CNBD1: variants seen among roughly 807,000 people sequenced by gnomAD.
The protein encoded by CNBD1 is cyclic nucleotide binding domain containing 1.
A neutral mutation model predicts 54.4 loss-of-function variants in CNBD1; 71 were observed. That is an observed-to-expected ratio of 1.30 (90% CI 1.08 to 1.59). The LOEUF (loss-of-function observed/expected upper bound fraction) is 1.59, where lower values mean the gene tolerates loss of function less well. CNBD1 is among the 40% of genes most tolerant of loss of function. The pLI is 0.00. For missense variants in CNBD1, 659 were observed against 518.0 expected (o/e 1.27, Z -2.64); for synonymous variants, 182 against 170.7 (o/e 1.07, Z -0.51).
chr8:87,256,978 T>G (rs1808037067), intron 6 of CNBD1, among the ~76,000 whole-genome samples: 1 of 152,054 alleles, frequency 6.6e-6, no homozygotes, highest in African/African-American at 2.4e-5. Flanking sequence ...AAAGCTTTCT[T>G]TACCTGGTGA....
At chr8:87,012,155 C>G (rs921577662) in intron 4 of CNBD1, among the ~76,000 whole-genome samples, 2 of 151,958 alleles carry the variant, frequency 1.3e-5, no homozygotes, top group Admixed American at 6.6e-5. Flanking sequence ...CTTTAAGAGC[C>G]GATAAATGAG....
intron 4 of CNBD1, among the ~76,000 whole-genome samples, chr8:87,065,841 G>A (rs545964006): frequency 1.3e-5 from 2 of 152,016 alleles, no homozygotes; most frequent in African/African-American, 2.4e-5. Context: ...GAGAGTTGGC[G>A]CTCAAACCCA....
chr8:87,363,144 G>A (rs111576589), intron 10 of CNBD1, among the ~76,000 whole-genome samples: 2,249 of 152,012 alleles, frequency 0.015, 53 homozygotes, highest in African/African-American at 0.048. Context: ...GAAAATGATG[G>A]TTTCCAGAGT....
At chr8:87,325,881 GCA>G (rs1362338898) in intron 8 of CNBD1, among the ~76,000 whole-genome samples, 2 of 140,880 alleles carry the variant, frequency 1.4e-5, no homozygotes, top group Non-Finnish European at 3.1e-5. Flanking sequence ...GTTAGTTGAT[GCA>G]GTTTCTTCCT....
rs548315178 is a variant in CNBD1 at position 87,305,312 on chromosome 8, T to C, written c.1042+18641T>C. 2.2e-4 allele frequency among the ~76,000 whole-genome samples: 33 copies of C among 152,208 alleles called. 1 individual carries two copies. The South Asian group carries it at 6.6e-3, about 31-fold the overall frequency. On this transcript the variant is annotated intron_variant, in intron 8 of 10. Coordinates refer to ENST00000518476, the MANE Select transcript of CNBD1 (RefSeq NM_173538.3). The stretch of plus-strand genomic sequence containing the variant: ...GCTCATGGATGGGTAGAACTGATAT[T>C]GTGAAAATGACCATATTGCCAAAAA...
chr8:86,877,206 G>T (rs1808533307), intron 1 of CNBD1, among the ~76,000 whole-genome samples: 1 of 151,878 alleles, frequency 6.6e-6, no homozygotes, highest in South Asian at 2.1e-4. Flanking sequence ...AATATGTACA[G>T]ATATATATTA....
At chr8:86,925,486 T>A (rs1358277328) in intron 3 of CNBD1, among the ~76,000 whole-genome samples, 43 of 8,846 alleles carry the variant, frequency 4.9e-3, no homozygotes, top group African/African-American at 8.2e-3. Flanking sequence ...CCAAAAAGTG[T>A]GTGTGTGTGT....
intron 4 of CNBD1, among the ~76,000 whole-genome samples, chr8:87,023,061 C>CCTT (rs147998272): frequency 0.03 from 4,580 of 152,214 alleles, 235 homozygotes; most frequent in African/African-American, 0.1. Context: ...TTCTCAGTGT[C>CCTT]CAGCTCCTAA....
At chr8:87,312,920 A>G (rs1809299202) in intron 8 of CNBD1, among the ~76,000 whole-genome samples, 1 of 152,034 alleles carries the variant, frequency 6.6e-6, no homozygotes, top group African/African-American at 2.4e-5. Flanking sequence ...TGCTCCCAGA[A>G]AAGTTGGGCA....
intron 4 of CNBD1, among the ~76,000 whole-genome samples, chr8:87,135,475 G>T (rs1266467550): frequency 1.3e-5 from 2 of 150,946 alleles, no homozygotes; most frequent in African/African-American, 4.9e-5. Flanking sequence ...TTAAACATGT[G>T]TTGCTAGTGT....
rs1563816904 is a variant in CNBD1, at chr8:86,905,121, A to G, written c.199A>G (p.Met67Val). 7 of 1,612,284 alleles carry G rather than the reference A, an allele frequency of 4.3e-6. No individual in the cohort carries two copies. Among genetic ancestry groups the G allele is most frequent in the East Asian group, 4.5e-5 (2 of 44,846 alleles). ...TATCTTATCAGCTCACGATACATTTATGAAGCAATATCCTAAAGTATTCCT... is the reference window on the plus strand; with the variant it reads ...TATCTTATCAGCTCACGATACATTTGTGAAGCAATATCCTAAAGTATTCCT... ...SNILSAHDTF[M>V]KQYPKVFLHQ... Residue 67 changes from methionine (M) to valine (V), a missense_variant, in exon 3 of 11, where the codon ATG (methionine) becomes GTG (valine). Met to Val is a conservative substitution (Grantham distance 21). Transcript: ENST00000518476.
In CNBD1 at chr8:87,158,742, C is replaced by T. The variant is rs557381869; in HGVS notation, c.432-47251C>T. On this transcript the variant is annotated intron_variant, in intron 4 of 10. Transcript: ENST00000518476. The stretch of plus-strand genomic sequence containing the variant: ...GTTTATGGACTTTTTACACTGAGTC[C>T]ACTGCTTAGTCTGATTAGTTCACAG... Among the ~76,000 whole-genome samples, 13 of 152,180 alleles carry T rather than the reference C, an allele frequency of 8.5e-5. No homozygotes were observed. In the South Asian group the frequency reaches 2.5e-3, roughly 29 times the overall value.
intron 2 of CNBD1, among the ~76,000 whole-genome samples, chr8:87,396,828 T>C (rs1171707626): frequency 1.3e-5 from 2 of 151,512 alleles, no homozygotes; most frequent in African/African-American, 4.8e-5. Flanking sequence ...TATTTAGAGC[T>C]ATCATTCCCC....
intron 3 of CNBD1, among the ~76,000 whole-genome samples, chr8:86,936,545 C>A (rs1014631696): frequency 1.3e-5 from 2 of 151,966 alleles, no homozygotes; most frequent in Admixed American, 1.3e-4. Context: ...ACAAGACCAT[C>A]CTGGCTAACA....
chr8:87,339,783 C>A (rs781093691), intron 8 of CNBD1, among the ~76,000 whole-genome samples: 9 of 152,182 alleles, frequency 5.9e-5, no homozygotes, highest in East Asian at 1.9e-4. Flanking sequence ...CAATTACATA[C>A]AATGAGTCTA....
rs538390136 is a variant in CNBD1, at chr8:86,866,680, G to A, written c.88+97G>A. The A allele has an allele frequency of 3.6e-6, 3 of 823,798 alleles. No homozygotes were observed. In the East Asian group the frequency reaches 8.0e-5, roughly 22 times the overall value. The allele number at this position is 823,798 out of a possible 1,614,324, so 51.0% of individuals were successfully genotyped here. On this transcript the variant is annotated intron_variant, in intron 1 of 10. Transcript: ENST00000518476. ...AATTGGGGGTATTTCAGGGTTGATA[G>A]GGACATTGGGAATCTTATTGACAGT...
chr8:87,258,502 C>T (rs1399548737), intron 6 of CNBD1, among the ~76,000 whole-genome samples: 1 of 151,834 alleles, frequency 6.6e-6, no homozygotes, highest in Non-Finnish European at 1.5e-5. Context: ...CGACTCACTG[C>T]AACCACTGCA....
At chr8:87,311,414 G>C (rs986881220) in intron 8 of CNBD1, among the ~76,000 whole-genome samples, 12 of 152,058 alleles carry the variant, frequency 7.9e-5, no homozygotes, top group Non-Finnish European at 2.9e-5. Context: ...TCTCCCACCA[G>C]TCAGAATGGC....
intron 4 of CNBD1, among the ~76,000 whole-genome samples, chr8:87,167,214 T>C (rs1401300838): frequency 2.0e-5 from 3 of 151,984 alleles, no homozygotes; most frequent in Non-Finnish European, 4.4e-5. Flanking sequence ...ATAACAAACA[T>C]TCTTTGTTTC....
Sources: allele counts gnomAD v4.1 joint callset (sites outside exome capture counted in the v4.1 genomes callset), GRCh38; gene constraint gnomAD v4.1.1; transcripts MANE v1.5; gene names NCBI Gene and HGNC (gene_info 2026-07-23, HGNC 2026-07-21).